Variants in KLC1 observed in about 807,000 individuals in gnomAD.
The protein encoded by KLC1 is kinesin 2 60/70kDa.
In KLC1, 30 loss-of-function variants were observed where a neutral mutation model predicts 84.2. That is an observed-to-expected ratio of 0.36 (90% CI 0.27 to 0.48). KLC1 has a LOEUF of 0.48. Ranked by LOEUF, KLC1 falls within the 20% of genes least tolerant of loss-of-function variation. The pLI is 0.99. For synonymous variants in KLC1, 289 were observed against 293.3 expected (o/e 0.99, Z 0.15); for missense variants, 499 against 805.4 (o/e 0.62, Z 4.60).
At chr14:103,636,823 C>T (rs572096332) in intron 1 of KLC1, among the ~76,000 whole-genome samples, 4 of 152,046 alleles carry the variant, frequency 2.6e-5, no homozygotes, top group South Asian at 4.1e-4. Context: ...CCCGGGTTCA[C>T]GCCATTCCCC....
At chr14:103,651,881 C>G (rs1203903061) in intron 1 of KLC1, among the ~76,000 whole-genome samples, 1 of 152,210 alleles carries the variant, frequency 6.6e-6, no homozygotes, top group Non-Finnish European at 1.5e-5. Flanking sequence ...GCCTTCGTCT[C>G]TCAGTTGGCC....
intron 6 of KLC1, among the ~76,000 whole-genome samples, 174 bp downstream of exon 6, chr14:103,669,772 A>T (rs751815515): frequency 1.3e-5 from 2 of 152,234 alleles, no homozygotes; most frequent in Non-Finnish European, 2.9e-5. Flanking sequence ...GCCAGAGCAC[A>T]CTTAATTTGT....
chr14:103,662,934 C>A lies in KLC1; in HGVS notation c.797+7C>A. On this transcript the variant is annotated splice_region_variant and intron_variant, in intron 5 of 16. Coordinates refer to ENST00000334553, the MANE Select transcript of KLC1 (RefSeq NM_001394837.1). ...TCCTGGCCTTGGTGTACAGGCTAGT[C>A]ACTTTTGTTTACCTACTGAATTTTA... is the stretch of plus-strand genomic sequence containing the variant. 1 of 1,591,004 alleles carries A rather than the reference C, an allele frequency of 6.3e-7. No individual in the cohort carries two copies. Among genetic ancestry groups the A allele is most frequent in the Non-Finnish European group, 8.6e-7 (1 of 1,168,978 alleles).
intron 5 of KLC1, among the ~76,000 whole-genome samples, chr14:103,668,388 C>G (rs2080070266): frequency 6.6e-6 from 1 of 152,220 alleles, no homozygotes; most frequent in South Asian, 2.1e-4. Flanking sequence ...CTAGTTGGGT[C>G]TGATTCCAGA....
intron 5 of KLC1, 38 bp from the exon 6 acceptor site, chr14:103,669,473 C>T: frequency 9.3e-7 from 1 of 1,075,058 alleles, no homozygotes; most frequent in Non-Finnish European, 1.4e-6. Context: ...CTGTAGTGAT[C>T]TACATCTGAA....
At chr14:103,630,903 C>G (rs1211811765) in intron 1 of KLC1, among the ~76,000 whole-genome samples, 1 of 152,004 alleles carries the variant, frequency 6.6e-6, no homozygotes, top group African/African-American at 2.4e-5. Flanking sequence ...TGTGGAGGAC[C>G]CAGGTGGTAA....
intron 14 of KLC1, among the ~76,000 whole-genome samples, chr14:103,688,288 T>A (rs2081906174): frequency 6.6e-6 from 1 of 152,158 alleles, no homozygotes; most frequent in Non-Finnish European, 1.5e-5. Flanking sequence ...TAGCTGGGAT[T>A]ACAGGCACAT....
chr14:103,638,958 C>G (rs1434426313), intron 1 of KLC1, among the ~76,000 whole-genome samples: 1 of 152,018 alleles, frequency 6.6e-6, no homozygotes, highest in Middle Eastern at 3.2e-3. Flanking sequence ...CAGAGGGACA[C>G]TTGGGGCAAA....
intron 1 of KLC1, among the ~76,000 whole-genome samples, chr14:103,649,884 A>G (rs1362792751): frequency 6.6e-6 from 1 of 152,016 alleles, no homozygotes; most frequent in Non-Finnish European, 1.5e-5. Context: ...TTTAGTAGAG[A>G]CGGGGTTTCA....
rs1406888523 is a variant in KLC1 at position 103,699,252 on chromosome 14, G to C, written c.1849-1403G>C. 2.6e-6 allele frequency: 4 copies of C among 1,539,340 alleles called. No homozygotes were observed. The East Asian group carries it at 9.8e-5, about 38-fold the overall frequency. Reference sequence around the variant, plus strand: ...GATGGTTAGGCACAGGCTGCTACCCGCAGGAGCCGGAGGCCACCTCACTGC... The same window carrying C: ...GATGGTTAGGCACAGGCTGCTACCCCCAGGAGCCGGAGGCCACCTCACTGC... On this transcript the variant is annotated intron_variant, in intron 15 of 16. Transcript: ENST00000334553.
chr14:103,689,334 T>C (rs936530610), intron 14 of KLC1, among the ~76,000 whole-genome samples: 24 of 152,198 alleles, frequency 1.6e-4, no homozygotes, highest in African/African-American at 5.8e-4. Flanking sequence ...GTGATAAAAA[T>C]GTAGCAGTGT....
intron 1 of KLC1, among the ~76,000 whole-genome samples, chr14:103,633,189 C>T (rs1188062204): frequency 6.6e-6 from 1 of 151,946 alleles, no homozygotes; most frequent in Non-Finnish European, 1.5e-5. Flanking sequence ...TCCCGAGTAG[C>T]TGGGACTACA....
At chr14:103,637,520 ACT>A (rs2077138729) in intron 1 of KLC1, among the ~76,000 whole-genome samples, 1 of 149,568 alleles carries the variant, frequency 6.7e-6, no homozygotes, top group African/African-American at 2.5e-5. Context: ...ACAGAGTGAG[ACT>A]CTGTTTCAAA....
chr14:103,695,168 A>ATG (rs2082351720), intron 15 of KLC1: 1 of 913,536 alleles, frequency 1.1e-6, no homozygotes, highest in Non-Finnish European at 1.3e-6. Context: ...TTATATATAT[A>ATG]TATATGGCTG....
At chr14:103,651,176 A>G (rs910832395) in intron 1 of KLC1, among the ~76,000 whole-genome samples, 18 of 151,114 alleles carry the variant, frequency 1.2e-4, no homozygotes, top group Non-Finnish European at 1.9e-4. Flanking sequence ...CGCCCGGCTA[A>G]TTTTTTGTAT....
chr14:103,633,425 G>A (rs1452799751), intron 1 of KLC1, among the ~76,000 whole-genome samples: 1 of 152,178 alleles, frequency 6.6e-6, no homozygotes, highest in Admixed American at 6.6e-5. Flanking sequence ...TGGGGCAGGT[G>A]CTGTGAACTG....
At chr14:103,672,774 C>T (rs2151694744) in intron 7 of KLC1, among the ~76,000 whole-genome samples, 1 of 152,310 alleles carries the variant, frequency 6.6e-6, no homozygotes, top group East Asian at 1.9e-4. Context: ...AGGATTACTA[C>T]AGTAATTAAC....
Position 103,677,484 on chromosome 14 carries a change from A to C in KLC1, c.1449A>C (p.Ala483=). ...LYRRQGKFEA[A]ETLEEAAMRS... ...GACGTCAAGGCAAATTTGAAGCTGC[A>C]GAAACGTTAGAAGAAGCTGCTATGA... Residue 483 remains alanine, a synonymous_variant, in exon 12 of 17, where the codon GCA becomes GCC. Transcript: ENST00000334553. 6.2e-7 allele frequency: 1 copy of C among 1,614,104 alleles called. No homozygotes were observed. The highest frequency in any genetic ancestry group is 8.5e-7 in the Non-Finnish European group (1 of 1,179,946).
chr14:103,699,697 G>GCCCATACTCTGTAGTC (rs968210224), intron 15 of KLC1: 23 of 914,928 alleles, frequency 2.5e-5, no homozygotes, highest in African/African-American at 4.9e-5. Context: ...GGCTCACAGT[G>GCCCATACTCTGTAGTC]CCCATACTCT....
Sources: allele counts gnomAD v4.1 joint callset (sites outside exome capture counted in the v4.1 genomes callset), GRCh38; gene constraint gnomAD v4.1.1; transcripts MANE v1.5; gene names NCBI Gene and HGNC (gene_info 2026-07-23, HGNC 2026-07-21).